The following CAPN11 variants were observed in gnomAD, a reference collection of about 807,000 sequenced individuals.
CAPN11 encodes calpain 11.
In CAPN11, 108 loss-of-function variants were observed where a neutral mutation model predicts 105.3. The observed-to-expected ratio is 1.03, with a 90% CI of 0.88 to 1.20. The LOEUF (loss-of-function observed/expected upper bound fraction) is 1.20, where lower values mean the gene tolerates loss of function less well. Among genes scored for constraint, CAPN11 ranks in the 50% most tolerant of loss-of-function variants. The probability of loss-of-function intolerance (pLI) is 0.00; values close to 1 mark genes in which losing one functional copy is unlikely to be tolerated. For synonymous variants in CAPN11, 329 were observed against 344.5 expected, an observed-to-expected ratio of 0.96 and a Z score of 0.50; for missense variants, 883 against 924.8, an observed-to-expected ratio of 0.95 and a Z score of 0.59.
At chr6:44,161,772 C>A (rs1234789888) in intron 1 of CAPN11, 1 of 456,100 alleles carries the variant, frequency 2.2e-6, no homozygotes, top group East Asian at 6.9e-5. Flanking sequence ...ACAACAGCAT[C>A]TTCCCTGGTC....
chr6:44,163,614 T>A (rs907537948), intron 1 of CAPN11, among the ~76,000 whole-genome samples: 4 of 152,062 alleles, frequency 2.6e-5, no homozygotes, highest in Non-Finnish European at 5.9e-5. Flanking sequence ...ACCAGTGGGG[T>A]TGTTGGGATG....
intron 1 of CAPN11, among the ~76,000 whole-genome samples, chr6:44,162,555 C>T (rs1206502480): frequency 6.6e-6 from 1 of 152,124 alleles, no homozygotes; most frequent in Non-Finnish European, 1.5e-5. Context: ...GCTCTACCCA[C>T]CCTCTTCCCT....
At chr6:44,179,878 G>T (rs1772836039) in intron 13 of CAPN11, 74 bp from the exon 14 acceptor site, 1 of 1,230,972 alleles carries the variant, frequency 8.1e-7, no homozygotes, top group East Asian at 2.3e-5. Context: ...GCCCGGCCAG[G>T]CTGTTCACCC....
chr6:44,177,394 C>G lies in CAPN11; in HGVS notation c.1390C>G (p.Gln464Glu). Residue 464 changes from glutamine to glutamate, a missense_variant, in exon 12 of 23, where the codon CAG (glutamine) becomes GAG (glutamate). By Grantham distance (29) the Gln-to-Glu change is conservative. Transcript: ENST00000398776. ...RHARQQGAQL[Q>E]TIGFVLYAVP... ...TGCACGGCAGCAGGGAGCCCAGCTG[C>G]AGACCATTGGCTTTGTCCTCTACGC... 5 of 1,613,580 alleles carry G rather than the reference C, an allele frequency of 3.1e-6. No individual in the cohort carries two copies. In the South Asian group the frequency reaches 5.5e-5, roughly 18 times the overall value.
In CAPN11 at chr6:44,184,244, G is replaced by C; in HGVS notation, c.*312G>C. 2.2e-6 allele frequency: 1 copy of C among 453,778 alleles called. No homozygotes were observed. Among genetic ancestry groups the C allele is most frequent in the Non-Finnish European group, 4.0e-6 (1 of 250,520 alleles). The allele number at this position is 453,778 out of a possible 1,614,324, so 28.1% of individuals were successfully genotyped here. On this transcript the variant is annotated 3_prime_UTR_variant, in exon 23 of 23. Coordinates refer to ENST00000398776, the MANE Select transcript of CAPN11 (RefSeq NM_007058.4). ...ATGCTTCCCCAGGGTCCCCCTGGCT[G>C]GGGAGGCCAAGAATAGGGAAGGGAC...
At chr6:44,168,964 C>T (rs1244742339) in intron 2 of CAPN11, 1 of 467,792 alleles carries the variant, frequency 2.1e-6, no homozygotes, top group South Asian at 1.5e-5. Flanking sequence ...GCTCTGTCAC[C>T]CAGACTGGAG....
At chr6:44,167,666 T>C (rs373072765) in intron 2 of CAPN11, among the ~76,000 whole-genome samples, 5 of 152,082 alleles carry the variant, frequency 3.3e-5, no homozygotes, top group African/African-American at 1.2e-4. Context: ...TCCCAGCACT[T>C]TGGGAGGCCA....
intron 19 of CAPN11, among the ~76,000 whole-genome samples, chr6:44,182,306 C>G (rs4711776): frequency 1.5e-5 from 1 of 66,678 alleles, no homozygotes; most frequent in Non-Finnish European, 3.6e-5. Flanking sequence ...CACACACACA[C>G]ACACACTCAC....
At chr6:44,174,486 T>C (rs1405429626) in intron 7 of CAPN11, among the ~76,000 whole-genome samples, 3 of 92,710 alleles carry the variant, frequency 3.2e-5, no homozygotes, top group Non-Finnish European at 5.9e-5. Flanking sequence ...AAGACCAGCC[T>C]AAGAAATATA....
At position 44,176,820 on chromosome 6, in the gene CAPN11, AC is replaced by A. The variant is rs765642856; in HGVS notation, c.1077-13del. 35 of 1,612,244 alleles carry A rather than the reference AC, an allele frequency of 2.2e-5. No individual in the cohort carries two copies. The highest frequency in any genetic ancestry group is 2.7e-5 in the Non-Finnish European group (32 of 1,179,068). The stretch of plus-strand genomic sequence containing the variant: ...TGCAAGTGTGCTGCTGACGGGCTCC[AC>A]CCCCACCCCACCACAGGATGTCCTA... On this transcript the variant is annotated splice_polypyrimidine_tract_variant and intron_variant, in intron 10 of 22. Transcript: ENST00000398776.
At chr6:44,169,043 A>T (rs1462692767) in intron 2 of CAPN11, 1 of 543,210 alleles carries the variant, frequency 1.8e-6, no homozygotes, top group Admixed American at 2.2e-5. Context: ...TGATCCTCCC[A>T]TTTCAGCCTC....
chr6:44,177,318 T>C lies in CAPN11; in HGVS notation c.1314T>C (p.Asn438=), dbSNP rs994764567. The change falls in exon 12 of 23, where the codon AAT becomes AAC. Residue 438 remains asparagine (N), a synonymous_variant. Coordinates refer to ENST00000398776, the MANE Select transcript of CAPN11 (RefSeq NM_007058.4). ...ACCCAGAGGATGACGCAGAGGGCAA[T>C]GTTGTGGTCTGCACCTGCCTGGTGG... ...GDDPEDDAEG[N]VVVCTCLVAL... 14 of 1,613,688 alleles carry C rather than the reference T, an allele frequency of 8.7e-6. No homozygotes were observed. The highest frequency in any genetic ancestry group is 4.0e-5 in the African/African-American group (3 of 74,880).
Position 44,176,644 on chromosome 6 carries a change from C to G in CAPN11, c.1065C>G (p.Asp355Glu), listed in dbSNP as rs370482641. 1 of 1,603,296 alleles carries G rather than the reference C, an allele frequency of 6.2e-7. No individual in the cohort carries two copies. Among genetic ancestry groups the G allele is most frequent in the Non-Finnish European group, 8.5e-7 (1 of 1,173,684 alleles). The change falls in exon 10 of 23, where the codon GAC becomes GAG. Residue 355 changes from aspartate (D) to glutamate (E), a missense_variant. Asp to Glu is a conservative substitution (Grantham distance 45). Coordinates refer to ENST00000398776, the MANE Select transcript of CAPN11 (RefSeq NM_007058.4). ...TGCAGCTGCTGCACAAGACGGAGGA[C>G]GGGGAGTTCTGGTCAGTGTGGCTTG... ...IQMQLLHKTE[D>E]GEFWMSYQDF...
chr6:44,178,749 TTAAAAAAA>T (rs1278884961), intron 12 of CAPN11, among the ~76,000 whole-genome samples: 31 of 70,290 alleles, frequency 4.4e-4, no homozygotes, highest in African/African-American at 1.4e-3. Flanking sequence ...CCTGTCTCGA[TTAAAAAAA>T]AAAAAAAAAA....
Position 44,175,945 on chromosome 6 carries a change from A to T in CAPN11, c.832-123A>T, listed in dbSNP as rs141105252. The T allele has an allele frequency of 2.6e-4, 159 of 623,008 alleles. 1 individual carries two copies. The Middle Eastern group carries it at 4.7e-3, about 18-fold the overall frequency. 38.6% of individuals were successfully genotyped at this position (623,008 alleles called of 1,614,324 possible). ...CTGCAATTATTTCAAAATAATGATA[A>T]TAATTTAAAAGTTTAGTTTAAAAAA... is the stretch of plus-strand genomic sequence containing the variant. On this transcript the variant is annotated intron_variant, in intron 7 of 22. Transcript: ENST00000398776.
intron 2 of CAPN11, 158 bp from the exon 3 acceptor site, chr6:44,169,123 G>T: frequency 1.2e-6 from 1 of 837,930 alleles, no homozygotes. Context: ...TTGTCGAGAT[G>T]AGATCTCACC....
chr6:44,168,420 C>A (rs1344203870), intron 2 of CAPN11, among the ~76,000 whole-genome samples: 2 of 151,268 alleles, frequency 1.3e-5, no homozygotes, highest in African/African-American at 4.9e-5. Context: ...CAGGCGCCCG[C>A]CACCACGCCC....
At chr6:44,170,761 C>T (rs9394990) in intron 4 of CAPN11, among the ~76,000 whole-genome samples, 68,457 of 151,876 alleles carry the variant, frequency 0.45, 15,730 homozygotes, top group Non-Finnish European at 0.48. Context: ...TGCTAGAACC[C>T]GATCAATCTG....
intron 18 of CAPN11, 21 bp downstream of exon 18, chr6:44,181,018 C>T (rs1393069558): frequency 6.2e-6 from 10 of 1,605,540 alleles, no homozygotes; most frequent in Non-Finnish European, 8.5e-6. Context: ...GTCCAGTGCT[C>T]TCTTGGCCCT....
Sources: allele counts gnomAD v4.1 joint callset (sites outside exome capture counted in the v4.1 genomes callset), GRCh38; gene constraint gnomAD v4.1.1; transcripts MANE v1.5; gene names NCBI Gene and HGNC (gene_info 2026-07-23, HGNC 2026-07-21).